TBC1D22A: variants seen among roughly 807,000 people sequenced by gnomAD.
TBC1D22A encodes the protein putative GTPase activator.
Under a neutral mutation model 60.2 loss-of-function variants are expected in TBC1D22A, and 38 were observed. The observed-to-expected ratio is 0.63, with a 90% CI of 0.49 to 0.83. The LOEUF is 0.83. TBC1D22A is among the 40% of genes least tolerant of loss of function. TBC1D22A has a pLI of 0.00. For synonymous variants in TBC1D22A, 302 were observed against 281.7 expected (o/e 1.07, Z -0.72); for missense variants, 628 against 701.0 (o/e 0.90, Z 1.18).
chr22:46,958,018 G>A (rs1294915616), intron 8 of TBC1D22A, among the ~76,000 whole-genome samples: 1 of 152,112 alleles, frequency 6.6e-6, no homozygotes, highest in Non-Finnish European at 1.5e-5. Flanking sequence ...ATTTCTCGGG[G>A]GTTGGGGGAG....
chr22:47,103,277 A>G (rs1347116599), intron 11 of TBC1D22A, among the ~76,000 whole-genome samples: 3 of 152,196 alleles, frequency 2.0e-5, no homozygotes, highest in South Asian at 2.1e-4. Context: ...GACACACTGG[A>G]CCATGACAGT....
intron 11 of TBC1D22A, among the ~76,000 whole-genome samples, chr22:47,047,984 G>A (rs1447281300): frequency 6.6e-6 from 1 of 152,238 alleles, no homozygotes; most frequent in Non-Finnish European, 1.5e-5. Context: ...AGACCATGTG[G>A]CTGGATGTCA....
In TBC1D22A at chr22:47,009,879, C is replaced by A. The variant is rs1325915339; in HGVS notation, c.1201+12170C>A. Among the ~76,000 whole-genome samples, 1 of 152,246 alleles carries A rather than the reference C, an allele frequency of 6.6e-6. No homozygotes were observed. Among genetic ancestry groups the A allele is most frequent in the Non-Finnish European group, 1.5e-5 (1 of 68,048 alleles). On this transcript the variant is annotated intron_variant, in intron 10 of 12. Transcript: ENST00000337137. This position sits in a 1 kb window ranked among gnomAD's most constrained non-coding sequence, Gnocchi z 5.8. ...GCCCTGTCCATGCCTGCTCCTGAGG[C>A]AGCCTCTTCTGTCCAGCCCCCAGGG...
At chr22:47,084,603 C>T (rs1157385606) in intron 11 of TBC1D22A, among the ~76,000 whole-genome samples, 3 of 152,102 alleles carry the variant, frequency 2.0e-5, no homozygotes, top group African/African-American at 7.2e-5. Flanking sequence ...TTTTTAATAG[C>T]AAGAAAGGAG....
chr22:47,045,925 C>T (rs963218124), intron 11 of TBC1D22A, among the ~76,000 whole-genome samples: 6 of 152,184 alleles, frequency 3.9e-5, no homozygotes, highest in Non-Finnish European at 8.8e-5. Context: ...ACCCCCACAG[C>T]ACCCCCAGCA....
intron 4 of TBC1D22A, among the ~76,000 whole-genome samples, chr22:46,838,995 C>T (rs73468755): frequency 0.018 from 2,796 of 152,230 alleles, 88 homozygotes; most frequent in African/African-American, 0.064. Context: ...GGATGCCTTC[C>T]CAGCCAGAGC....
intron 9 of TBC1D22A, among the ~76,000 whole-genome samples, chr22:46,991,792 C>A (rs974682301): frequency 6.6e-6 from 1 of 152,208 alleles, no homozygotes; most frequent in Non-Finnish European, 1.5e-5. Flanking sequence ...GAACGGTCTC[C>A]TCTTGCCTCA....
intron 9 of TBC1D22A, among the ~76,000 whole-genome samples, chr22:46,977,871 G>A (rs1297259012): frequency 1.3e-5 from 2 of 152,136 alleles, no homozygotes; most frequent in African/African-American, 2.4e-5. Flanking sequence ...ATTAGAAACC[G>A]CCCCCAGGAT....
chr22:47,009,462 C>G lies in TBC1D22A; in HGVS notation c.1201+11753C>G, dbSNP rs1364033756. On this transcript the variant is annotated intron_variant, in intron 10 of 12. Coordinates refer to ENST00000337137, the MANE Select transcript of TBC1D22A (RefSeq NM_014346.5). The surrounding 1 kb of genome is among the most constrained non-coding windows in gnomAD (Gnocchi z 5.8). ...TCACCATCACCATCATTTCTGTCAT[C>G]ACCATCGTCATCACTATCACCATCA... Among the ~76,000 whole-genome samples the G allele has an allele frequency of 2.1e-5, 3 of 144,872 alleles. No homozygotes were observed. Among genetic ancestry groups the G allele is most frequent in the African/African-American group, 7.5e-5 (3 of 40,004 alleles).
rs183344978 is a variant in TBC1D22A at position 46,869,285 on chromosome 22, A to G, written c.638-9368A>G. Among the ~76,000 whole-genome samples the G allele has an allele frequency of 5.6e-4, 85 of 152,040 alleles. No individual in the cohort carries two copies. The East Asian group carries it at 0.015, about 27-fold the overall frequency. ...TGTCCCCTTCTTCAGAGAAGAGACC[A>G]CCCCTCCTCTGGTGACTCACTGTAC... On this transcript the variant is annotated intron_variant, in intron 4 of 12. Coordinates refer to ENST00000337137, the MANE Select transcript of TBC1D22A (RefSeq NM_014346.5).
At chr22:47,056,313 G>A (rs929601869) in intron 11 of TBC1D22A, among the ~76,000 whole-genome samples, 2 of 152,044 alleles carry the variant, frequency 1.3e-5, no homozygotes, top group African/African-American at 4.8e-5. Context: ...TCCTCCGGCC[G>A]GGTGCTTGTT....
At chr22:46,989,610 T>G (rs933181546) in intron 9 of TBC1D22A, among the ~76,000 whole-genome samples, 1 of 151,938 alleles carries the variant, frequency 6.6e-6, no homozygotes, top group Non-Finnish European at 1.5e-5. Context: ...CACAAAACAT[T>G]TATTAAGTTT....
chr22:47,132,757 G>A (rs1416505859), intron 12 of TBC1D22A, among the ~76,000 whole-genome samples: 1 of 152,236 alleles, frequency 6.6e-6, no homozygotes, highest in East Asian at 1.9e-4. Flanking sequence ...GGGAGGTGCA[G>A]GTTCCTGCTC....
In TBC1D22A at chr22:47,150,243, A is replaced by C. The variant is rs150424349; in HGVS notation, c.1426-23255A>C. ...ACCGCCACGCCCATTCAGGCAAAGC[A>C]GGAACCAAATACTGCCAACCAGAAG... On this transcript the variant is annotated intron_variant, in intron 12 of 12. Coordinates refer to ENST00000337137, the MANE Select transcript of TBC1D22A (RefSeq NM_014346.5). Among the ~76,000 whole-genome samples, 7 of 152,306 alleles carry C rather than the reference A, an allele frequency of 4.6e-5. No homozygotes were observed. The East Asian group carries it at 1.4e-3, about 29-fold the overall frequency.
intron 4 of TBC1D22A, among the ~76,000 whole-genome samples, chr22:46,846,561 A>G (rs1481220164): frequency 1.3e-5 from 2 of 152,202 alleles, no homozygotes; most frequent in African/African-American, 2.4e-5. Flanking sequence ...GGCCACCTTT[A>G]CCATCTCTCA....
chr22:46,773,134 C>A (rs1412271386), intron 1 of TBC1D22A, among the ~76,000 whole-genome samples: 6 of 152,172 alleles, frequency 3.9e-5, no homozygotes, highest in Admixed American at 3.3e-4. Context: ...GCAGGCTCAG[C>A]ATCTCTGCCC....
At chr22:47,172,806 A>G (rs1319967112) in intron 12 of TBC1D22A, among the ~76,000 whole-genome samples, 1 of 152,232 alleles carries the variant, frequency 6.6e-6, no homozygotes, top group Non-Finnish European at 1.5e-5. Context: ...GGTTTGGTGG[A>G]GCCCTGCACC....
chr22:47,161,902 G>A (rs771264722), intron 12 of TBC1D22A, among the ~76,000 whole-genome samples: 28 of 152,350 alleles, frequency 1.8e-4, no homozygotes, highest in South Asian at 6.2e-4. Flanking sequence ...AGCTGCCGGC[G>A]CTCTTGCATT....
intron 4 of TBC1D22A, among the ~76,000 whole-genome samples, chr22:46,821,389 A>T (rs76666200): frequency 1.3e-5 from 2 of 151,332 alleles, no homozygotes; most frequent in Non-Finnish European, 2.9e-5. Context: ...TTTCCTTTCC[A>T]TATTTAGTGC....
Sources: allele counts gnomAD v4.1 joint callset (sites outside exome capture counted in the v4.1 genomes callset), GRCh38; gene constraint gnomAD v4.1.1; non-coding constraint Gnocchi (gnomAD v3.1); transcripts MANE v1.5; gene names NCBI Gene and HGNC (gene_info 2026-07-23, HGNC 2026-07-21).